Variants in DAB1 observed in about 807,000 individuals in gnomAD.
The protein encoded by DAB1 is DAB adaptor protein 1, also known as disabled homolog 1.
Under a neutral mutation model 64.6 loss-of-function variants are expected in DAB1, and 15 were observed. The ratio of observed to expected loss-of-function variants is 0.23; its 90% confidence interval spans 0.16 to 0.36. The LOEUF (loss-of-function observed/expected upper bound fraction) is 0.36, where lower values mean the gene tolerates loss of function less well. Among genes scored for constraint, DAB1 ranks in the 10% least tolerant of loss-of-function variants. The pLI is 1.00. For synonymous variants in DAB1, 235 were observed against 251.9 expected, an observed-to-expected ratio of 0.93 and a Z score of 0.64; for missense variants, 596 against 706.7, an observed-to-expected ratio of 0.84 and a Z score of 1.78.
In DAB1 at chr1:58,518,349, A is replaced by G. The variant is rs144986778; in HGVS notation, n.107+8912T>C. On this transcript the variant is annotated intron_variant and non_coding_transcript_variant, in intron 2 of 20. Transcript: ENST00000485760. ...AGAAGAGAAGAGAAGAGAAGAGAAG[A>G]GAAGGGAAGGGAAGAGAAGAGAAGG... Among the ~76,000 whole-genome samples, 291 of 59,702 alleles carry G rather than the reference A, an allele frequency of 4.9e-3. 27 individuals carry two copies. The highest frequency in any genetic ancestry group is 0.015 in the African/African-American group (237 of 15,392). The allele number at this position is 59,702 out of a possible 152,430, so 39.2% of individuals were successfully genotyped here.
At chr1:57,497,893 A>G (rs1486512462) in intron 7 of DAB1, among the ~76,000 whole-genome samples, 8 of 152,214 alleles carry the variant, frequency 5.3e-5, no homozygotes, top group Non-Finnish European at 1.2e-4. Flanking sequence ...TTAAATGATC[A>G]TTTTGGTTGT....
At chr1:57,475,107 A>C (rs767114554) in intron 7 of DAB1, among the ~76,000 whole-genome samples, 3 of 152,140 alleles carry the variant, frequency 2.0e-5, no homozygotes, top group Non-Finnish European at 4.4e-5. Context: ...TAAAAATACA[A>C]AAATTAGCCA....
chr1:57,438,488 C>A (rs1300956648), intron 7 of DAB1, among the ~76,000 whole-genome samples: 2 of 152,092 alleles, frequency 1.3e-5, no homozygotes, highest in Admixed American at 6.6e-5. Context: ...AACAAAAGAG[C>A]ATCTGGTCAC....
intron 3 of DAB1, among the ~76,000 whole-genome samples, chr1:58,396,842 C>G (rs1644527243): frequency 6.6e-6 from 1 of 152,088 alleles, no homozygotes; most frequent in African/African-American, 2.4e-5. Context: ...GCGGGCGGAT[C>G]ATGAGGTCAA....
chr1:57,736,751 C>T (rs1647709776), intron 6 of DAB1, among the ~76,000 whole-genome samples: 1 of 152,134 alleles, frequency 6.6e-6, no homozygotes, highest in African/African-American at 2.4e-5. Context: ...ATCCTTCCCT[C>T]CCTCTCTCAC....
At chr1:57,451,180 A>G (rs1036544370) in intron 7 of DAB1, among the ~76,000 whole-genome samples, 1 of 151,966 alleles carries the variant, frequency 6.6e-6, no homozygotes, top group Non-Finnish European at 1.5e-5. Context: ...ACACCCCTGC[A>G]TTTGTCTTAC....
intron 4 of DAB1, among the ~76,000 whole-genome samples, chr1:58,322,064 C>A (rs1047916288): frequency 2.6e-5 from 4 of 152,176 alleles, no homozygotes; most frequent in African/African-American, 9.7e-5. Context: ...TGGATCCCTT[C>A]CTTACACCTT....
At chr1:57,563,059 A>T (rs933664189) in intron 7 of DAB1, among the ~76,000 whole-genome samples, 28 of 152,188 alleles carry the variant, frequency 1.8e-4, no homozygotes, top group Admixed American at 1.8e-3. Context: ...CAGGACTACA[A>T]ATGACCCAGA....
chr1:57,154,099 A>C (rs567602146), intron 2 of DAB1, among the ~76,000 whole-genome samples: 1 of 152,336 alleles, frequency 6.6e-6, no homozygotes, highest in South Asian at 2.1e-4. Flanking sequence ...GTATGATTAC[A>C]TTATTATTGG....
intron 2 of DAB1, among the ~76,000 whole-genome samples, chr1:57,155,407 G>A (rs140148556): frequency 1.1e-4 from 16 of 152,012 alleles, no homozygotes; most frequent in South Asian, 4.2e-4. Context: ...AGGCCAGTGC[G>A]GTGCTGTTTT....
intron 4 of DAB1, among the ~76,000 whole-genome samples, chr1:57,102,850 T>C (rs1187831684): frequency 6.6e-6 from 1 of 152,164 alleles, no homozygotes; most frequent in Non-Finnish European, 1.5e-5. Flanking sequence ...AGAACATACT[T>C]GGGGCCTCCT....
At chr1:57,714,449 G>A (rs1433749712) in intron 6 of DAB1, among the ~76,000 whole-genome samples, 2 of 152,196 alleles carry the variant, frequency 1.3e-5, no homozygotes, top group Non-Finnish European at 2.9e-5. Context: ...GGTGATAATA[G>A]TGCTGTTCAT....
intron 7 of DAB1, among the ~76,000 whole-genome samples, chr1:57,548,881 T>C (rs1440219759): frequency 6.6e-6 from 1 of 152,232 alleles, no homozygotes; most frequent in East Asian, 1.9e-4. Context: ...AAGACCCTCA[T>C]GTGCATTAAT....
intron 7 of DAB1, among the ~76,000 whole-genome samples, chr1:57,431,157 AGAAAAAC>A (rs1310786064): frequency 8.9e-4 from 133 of 148,872 alleles, no homozygotes; most frequent in African/African-American, 3.3e-3. Context: ...AAAAAAAAAA[AGAAAAAC>A]AAAAAAAAAG....
rs946066945 is a variant in DAB1 at position 58,485,171 on chromosome 1, C to T, written n.257+20889G>A. 3.7e-5 allele frequency among the ~76,000 whole-genome samples: 5 copies of T among 136,890 alleles called. 1 individual carries two copies. Among genetic ancestry groups the T allele is most frequent in the Non-Finnish European group, 6.1e-5 (4 of 65,250 alleles). 89.8% of individuals were successfully genotyped at this position (136,890 alleles called of 152,430 possible). On this transcript the variant is annotated intron_variant and non_coding_transcript_variant, in intron 3 of 20. Coordinates refer to the DAB1 transcript ENST00000485760. ...CAGATGTATAAGGGAAATCTCTATA[C>T]CTTCTACTCAATTAAAAGTTGAAGC... is the stretch of plus-strand genomic sequence containing the variant.
intron 3 of DAB1, among the ~76,000 whole-genome samples, chr1:58,392,839 G>C (rs1644487323): frequency 1.3e-5 from 2 of 152,172 alleles, no homozygotes; most frequent in South Asian, 2.1e-4. Flanking sequence ...ATTTGAGTTT[G>C]TTAGTGTTTC....
At chr1:57,581,599 T>C (rs752872195) in intron 7 of DAB1, among the ~76,000 whole-genome samples, 57 of 151,852 alleles carry the variant, frequency 3.8e-4, no homozygotes, top group Non-Finnish European at 6.6e-4. Context: ...TGTGGTGAGA[T>C]ATACATGAAA....
chr1:58,170,468 T>C (rs552546321), intron 4 of DAB1, among the ~76,000 whole-genome samples: 1 of 152,204 alleles, frequency 6.6e-6, no homozygotes, highest in Admixed American at 6.5e-5. Context: ...AGGCGAGCCC[T>C]GGGCCCTGAA....
At chr1:58,471,880 T>C (rs530625816) in intron 3 of DAB1, among the ~76,000 whole-genome samples, 28 of 152,294 alleles carry the variant, frequency 1.8e-4, no homozygotes, top group African/African-American at 6.7e-4. Flanking sequence ...TGCAGAACCA[T>C]AAGCCAATTA....
Sources: allele counts gnomAD v4.1 joint callset (sites outside exome capture counted in the v4.1 genomes callset), GRCh38; gene constraint gnomAD v4.1.1; transcripts MANE v1.5; gene names NCBI Gene and HGNC (gene_info 2026-07-23, HGNC 2026-07-21).